The following MRTFB variants were observed in gnomAD, a reference collection of about 807,000 sequenced individuals.
MRTFB encodes the protein myocardin related transcription factor B, also known as myocardin-related transcription factor B.
In MRTFB, 29 loss-of-function variants were observed where a neutral mutation model predicts 104.2. The ratio of observed to expected loss-of-function variants is 0.28; its 90% CI spans 0.21 to 0.38. The LOEUF is 0.38. Ranked by LOEUF, MRTFB falls within the 10% of genes least tolerant of loss-of-function variation. The pLI is 1.00. For missense variants in MRTFB, 1,270 were observed against 1,341.6 expected (o/e 0.95, Z 0.83); for synonymous variants, 535 against 519.5 (o/e 1.03, Z -0.41).
chr16:14,176,356 G>A (rs1198154666), intron 3 of MRTFB, among the ~76,000 whole-genome samples: 1 of 152,194 alleles, frequency 6.6e-6, no homozygotes, highest in East Asian at 1.9e-4. Context: ...ATGGGGTAAG[G>A]GGTTTCGGAA....
the MRTFB span, among the ~76,000 whole-genome samples, chr16:14,025,399 A>G: frequency 6.6e-6 from 1 of 152,312 alleles, no homozygotes; most frequent in Admixed American, 6.5e-5. Context: ...GCTCAGCCTA[A>G]GGATGAAGTA....
intron 16 of MRTFB, among the ~76,000 whole-genome samples, chr16:14,259,152 C>T (rs8044616): frequency 0.13 from 19,124 of 152,138 alleles, 2,501 homozygotes; most frequent in African/African-American, 0.33. Flanking sequence ...TAACTTCAGC[C>T]GGCCAACCCC....
chr16:14,032,833 C>G, the MRTFB span, among the ~76,000 whole-genome samples: 1 of 152,010 alleles, frequency 6.6e-6, no homozygotes. Context: ...CTTTTGGTGT[C>G]AAAAGTGAGA....
intron 2 of MRTFB, among the ~76,000 whole-genome samples, chr16:14,117,338 C>T (rs2036593849): frequency 6.6e-6 from 1 of 152,258 alleles, no homozygotes; most frequent in African/African-American, 2.4e-5. Context: ...GCCTCTCTGT[C>T]CAGAAGGCCC....
Position 14,262,498 on chromosome 16 carries a change from T to C in MRTFB, c.*1054T>C, listed in dbSNP as rs1303799420. On this transcript the variant is annotated 3_prime_UTR_variant, in exon 17 of 17. Transcript: ENST00000571589. ...CTGTCATCTACCCAGGACATTCCCA[T>C]GATGAGTACAGGTCAGATTGTGCCA... 1.3e-5 allele frequency: 2 copies of C among 152,216 alleles called. No homozygotes were observed. Among genetic ancestry groups the C allele is most frequent in the African/African-American group, 4.8e-5 (2 of 41,456 alleles). The allele number at this position is 152,216 out of a possible 1,614,324, so 9.4% of individuals were successfully genotyped here. A position where few individuals can be genotyped will look rare whatever the true frequency, so the allele number is the denominator to read the frequency against.
At chr16:14,090,879 G>GGTGTGTGTGTGTGTGTGTGTGTGT (rs55685117) in intron 2 of MRTFB, among the ~76,000 whole-genome samples, 4 of 141,788 alleles carry the variant, frequency 2.8e-5, no homozygotes, top group East Asian at 4.2e-4. Context: ...AGTTCAGCAT[G>GGTGTGTGTGTGTGTGTGTGTGTGT]GTGTGTGTGT....
At chr16:14,098,627 C>G (rs1457652613) in intron 2 of MRTFB, among the ~76,000 whole-genome samples, 1 of 152,146 alleles carries the variant, frequency 6.6e-6, no homozygotes, top group Non-Finnish European at 1.5e-5. Flanking sequence ...AGGAGCTCCA[C>G]CTAACCTGAG....
intron 1 of MRTFB, among the ~76,000 whole-genome samples, chr16:14,074,546 G>A (rs2033920694): frequency 6.6e-6 from 1 of 152,184 alleles, no homozygotes; most frequent in Non-Finnish European, 1.5e-5. Context: ...AGATGCATAT[G>A]TGAGATAGAA....
At chr16:13,998,202 T>C in the MRTFB span, among the ~76,000 whole-genome samples, 32 of 152,278 alleles carry the variant, frequency 2.1e-4, no homozygotes, top group Middle Eastern at 6.8e-3. Context: ...GCGAATTTTA[T>C]TTTGAATGCA....
chr16:14,087,084 G>A (rs985268016), intron 2 of MRTFB, among the ~76,000 whole-genome samples: 6 of 151,128 alleles, frequency 4.0e-5, no homozygotes, highest in South Asian at 2.1e-4. Flanking sequence ...CTAACCCTAG[G>A]AAAAAAAAAT....
intron 3 of MRTFB, among the ~76,000 whole-genome samples, chr16:14,159,987 A>G (rs1277416641): frequency 6.6e-6 from 1 of 151,866 alleles, no homozygotes; most frequent in Non-Finnish European, 1.5e-5. Context: ...GTATGCCCAA[A>G]TATGTCAGTA....
At chr16:14,137,671 A>G (rs564729586) in intron 2 of MRTFB, among the ~76,000 whole-genome samples, 1 of 152,244 alleles carries the variant, frequency 6.6e-6, no homozygotes, top group Non-Finnish European at 1.5e-5. Context: ...AGATTCACCT[A>G]ACATCTTTTT....
the MRTFB span, among the ~76,000 whole-genome samples, chr16:14,058,718 T>A: frequency 0.027 from 3,641 of 135,886 alleles, 154 homozygotes; most frequent in African/African-American, 0.097. Flanking sequence ...ATTTGTTTTT[T>A]TTTTTTTTTT....
chr16:14,257,559 A>G (rs922347780), intron 15 of MRTFB, among the ~76,000 whole-genome samples: 1 of 151,994 alleles, frequency 6.6e-6, no homozygotes, highest in Non-Finnish European at 1.5e-5. Context: ...AGTGAAAGCA[A>G]ACAGATCCGG....
intron 1 of MRTFB, among the ~76,000 whole-genome samples, chr16:14,077,161 C>G (rs893719069): frequency 5.3e-5 from 8 of 152,160 alleles, no homozygotes; most frequent in Non-Finnish European, 1.2e-4. Context: ...CTTATGGTAT[C>G]TGGATTTTAC....
At position 14,088,196 on chromosome 16, in the gene MRTFB, G is replaced by T. The variant is rs116931699; in HGVS notation, c.-64+8842G>T. On this transcript the variant is annotated intron_variant, in intron 2 of 16. Coordinates refer to ENST00000571589, the MANE Select transcript of MRTFB (RefSeq NM_001308142.2). ...CTCTCAAATGAGTGTGTTCTTTGAA[G>T]AGTTGAGAGCAGTGCGGAATTTTAT... 4.6e-5 allele frequency among the ~76,000 whole-genome samples: 7 copies of T among 152,332 alleles called. No homozygotes were observed. In the East Asian group the frequency reaches 9.7e-4, roughly 21 times the overall value.
chr16:14,009,463 G>A, the MRTFB span: 1 of 152,186 alleles, frequency 6.6e-6, no homozygotes. Context: ...GTCAAACAGA[G>A]ACAGTTTTAT....
chr16:14,243,918 G>A (rs1461983078), intron 10 of MRTFB, among the ~76,000 whole-genome samples: 9 of 144,132 alleles, frequency 6.2e-5, no homozygotes, highest in African/African-American at 2.5e-4. Flanking sequence ...GGAGTGCAGT[G>A]GTGCAATCTC....
At chr16:14,020,090 A>C in the MRTFB span, among the ~76,000 whole-genome samples, 1 of 152,152 alleles carries the variant, frequency 6.6e-6, no homozygotes, top group South Asian at 2.1e-4. Flanking sequence ...TGTCTATGCA[A>C]TCCTCATTCT....
Sources: gnomAD v4.1 joint callset for allele counts (sites outside exome capture counted in the v4.1 genomes callset) on GRCh38, gnomAD v4.1.1 for gene constraint, MANE v1.5 for transcripts, NCBI Gene and HGNC (gene_info 2026-07-23, HGNC 2026-07-21) for gene names.